Variants in FHL2 observed in about 807,000 individuals in gnomAD.
The protein encoded by FHL2 is four and a half LIM domains 2, also known as four and a half LIM domains protein 2.
A neutral mutation model predicts 32.7 loss-of-function variants in FHL2; 20 were observed. That is an observed-to-expected ratio of 0.61 (90% CI 0.43 to 0.89). The LOEUF (loss-of-function observed/expected upper bound fraction) is 0.89. FHL2 is among the 40% of genes least tolerant of loss of function. FHL2 has a pLI of 0.00. For missense variants in FHL2, 311 were observed against 358.6 expected, an observed-to-expected ratio of 0.87 and a Z score of 1.07; for synonymous variants, 123 against 128.1, an observed-to-expected ratio of 0.96 and a Z score of 0.27.
At chr2:105,423,181 T>C (rs1342652284) in intron 1 of FHL2, among the ~76,000 whole-genome samples, 1 of 152,214 alleles carries the variant, frequency 6.6e-6, no homozygotes, top group Non-Finnish European at 1.5e-5. Context: ...CTGTCAGTGA[T>C]ACCCATATGT....
In FHL2 at chr2:105,361,384, C is replaced by G. The variant is rs769888361; in HGVS notation, c.739G>C (p.Asp247His). The change falls in exon 7 of 7, where the codon GAC becomes CAC. Residue 247 changes from aspartate to histidine, a missense_variant. Physicochemically the swap from Asp to His is moderately conservative, Grantham distance 81. Transcript: ENST00000530340. ...GAGCACTTCTTACAGTTAAAGCAGTCGTTATGCCACTGCCGTTCCTCAAAG... is the reference window on the plus strand; with the variant it reads ...GAGCACTTCTTACAGTTAAAGCAGTGGTTATGCCACTGCCGTTCCTCAAAG... ...ISFEERQWHNDCFNCKKCSLS... is the reference protein window; with the variant it reads ...ISFEERQWHNHCFNCKKCSLS... The G allele has an allele frequency of 6.2e-7, 1 of 1,614,014 alleles. No individual in the cohort carries two copies. The highest frequency in any genetic ancestry group is 1.3e-5 in the African/African-American group (1 of 75,052).
At chr2:105,398,281 C>G (rs1018901868) in intron 1 of FHL2, among the ~76,000 whole-genome samples, 2 of 136,010 alleles carry the variant, frequency 1.5e-5, no homozygotes, top group African/African-American at 5.7e-5. Flanking sequence ...ACGAGTGCGA[C>G]TTAAGAAAAA....
intron 1 of FHL2, chr2:105,438,318 T>C (rs1684674821): frequency 1.0e-6 from 1 of 968,174 alleles, no homozygotes; most frequent in African/African-American, 1.8e-5. Flanking sequence ...TGCAACAAGA[T>C]GCCTACAGAG....
intron 1 of FHL2, among the ~76,000 whole-genome samples, chr2:105,432,643 C>T (rs1408005457): frequency 6.6e-6 from 1 of 152,200 alleles, no homozygotes; most frequent in Non-Finnish European, 1.5e-5. Context: ...CTTCCCCCAA[C>T]ACAAACAGAC....
upstream of FHL2, among the ~76,000 whole-genome samples, chr2:105,400,688 T>TTTTC (rs1414779124): frequency 6.9e-6 from 1 of 144,694 alleles, no homozygotes; most frequent in Non-Finnish European, 1.5e-5. Context: ...ATATTTTAAT[T>TTTTC]TTTTTTTTTT....
rs536715218 is a variant in FHL2 at position 105,386,507 on chromosome 2, G to A, written c.10C>T (p.Arg4Cys). Residue 4 changes from arginine to cysteine, a missense_variant, in exon 3 of 7, where the codon CGC becomes TGC. Coordinates refer to ENST00000530340, the MANE Select transcript of FHL2 (RefSeq NM_001318895.3). MTE[R>C]FDCHHCNESL... ...TCGTTGCAATGGTGGCAGTCAAAGCGCTCAGTCATTTTGACTCCTGGCTTT... is the reference window on the plus strand; with the variant it reads ...TCGTTGCAATGGTGGCAGTCAAAGCACTCAGTCATTTTGACTCCTGGCTTT... 6.2e-6 allele frequency: 10 copies of A among 1,614,130 alleles called. No individual in the cohort carries two copies. Among genetic ancestry groups the A allele is most frequent in the Middle Eastern group, 1.6e-4 (1 of 6,062 alleles).
intron 1 of FHL2, among the ~76,000 whole-genome samples, chr2:105,431,979 G>A (rs1684449633): frequency 6.6e-6 from 1 of 152,200 alleles, no homozygotes; most frequent in African/African-American, 2.4e-5. Flanking sequence ...AGTAGCTGAA[G>A]GGTTTATCAG....
chr2:105,386,546 A>T lies in FHL2; in HGVS notation c.-24-6T>A, dbSNP rs1368859874. 6.2e-7 allele frequency: 1 copy of T among 1,613,712 alleles called. No homozygotes were observed. The highest frequency in any genetic ancestry group is 1.3e-5 in the African/African-American group (1 of 74,898). ...ACTCCTGGCTTTTCAGCAACCTATC[A>T]AAAAGAAAAGAAAATCCAAGTCCCA... On this transcript the variant is annotated splice_region_variant and splice_polypyrimidine_tract_variant and intron_variant, in intron 2 of 6. Transcript: ENST00000530340.
chr2:105,392,134 G>A (rs563768285), intron 2 of FHL2, among the ~76,000 whole-genome samples: 83 of 152,340 alleles, frequency 5.4e-4, no homozygotes, highest in African/African-American at 1.9e-3. Context: ...ATGGCCCAGG[G>A]AAGGCTTTGA....
intron 2 of FHL2, among the ~76,000 whole-genome samples, chr2:105,391,268 T>G (rs556170186): frequency 6.6e-6 from 1 of 152,244 alleles, no homozygotes; most frequent in South Asian, 2.1e-4. Context: ...TCAAGGGACT[T>G]GTTATCTAGT....
In FHL2 at chr2:105,399,008, A is replaced by C; in HGVS notation, c.-242T>G. 1.3e-6 allele frequency: 2 copies of C among 1,500,414 alleles called. No homozygotes were observed. Among genetic ancestry groups the C allele is most frequent in the South Asian group, 2.6e-5 (2 of 77,024 alleles). The allele number at this position is 1,500,414 out of a possible 1,614,324, so 92.9% of individuals were successfully genotyped here. A position where few individuals can be genotyped will look rare whatever the true frequency, so the allele number is the denominator to read the frequency against. ...GCCGGGGACTCCCGGACGGGGCTGG[A>C]GGGCGCGGGCGGCTGGTGGCTGCGG... On this transcript the variant is annotated 5_prime_UTR_variant, in exon 1 of 7. Coordinates refer to ENST00000530340, the MANE Select transcript of FHL2 (RefSeq NM_001318895.3).
At chr2:105,392,861 C>A (rs558240683) in intron 2 of FHL2, among the ~76,000 whole-genome samples, 1 of 141,864 alleles carries the variant, frequency 7.0e-6, no homozygotes, top group South Asian at 2.3e-4. Flanking sequence ...ACTCTATCAC[C>A]CAGGCTGGAG....
chr2:105,431,955 C>T (rs1052813798), intron 1 of FHL2, among the ~76,000 whole-genome samples: 1 of 152,228 alleles, frequency 6.6e-6, no homozygotes, highest in African/African-American at 2.4e-5. Flanking sequence ...GCTGCTGCTG[C>T]TGCTGTTAAT....
chr2:105,386,703 T>C (rs1327365024), intron 2 of FHL2, among the ~76,000 whole-genome samples, 163 bp from the exon 3 acceptor site: 3 of 151,788 alleles, frequency 2.0e-5, no homozygotes, highest in Non-Finnish European at 2.9e-5. Context: ...TAATTTTTAA[T>C]GATAACACCT....
intron 1 of FHL2, among the ~76,000 whole-genome samples, chr2:105,434,150 A>T (rs920302211): frequency 1.3e-5 from 2 of 152,232 alleles, no homozygotes; most frequent in Non-Finnish European, 2.9e-5. Flanking sequence ...TAAAACATTC[A>T]TAGATTTTGC....
At chr2:105,394,718 A>G (rs1031341833) in intron 2 of FHL2, among the ~76,000 whole-genome samples, 1 of 152,250 alleles carries the variant, frequency 6.6e-6, no homozygotes, top group African/African-American at 2.4e-5. Context: ...TATAAAATTG[A>G]CTATGCTTAC....
At chr2:105,373,833 G>T (rs1681273771) in intron 3 of FHL2, 100 bp from the exon 4 acceptor site, 1 of 1,267,084 alleles carries the variant, frequency 7.9e-7, no homozygotes, top group African/African-American at 1.5e-5. Flanking sequence ...AACAAGGAAA[G>T]AAGTTGGGCC....
intron 2 of FHL2, among the ~76,000 whole-genome samples, chr2:105,393,582 A>G (rs915246579): frequency 3.3e-5 from 5 of 152,192 alleles, no homozygotes; most frequent in Non-Finnish European, 7.3e-5. Context: ...TGTCGCTGAG[A>G]CCTCACCAGC....
upstream of FHL2, chr2:105,399,758 C>T: frequency 1.2e-6 from 1 of 818,548 alleles, no homozygotes; most frequent in Non-Finnish European, 1.8e-6. Flanking sequence ...TCAGCATTGT[C>T]GCAGGGAGAG....
Sources: gnomAD v4.1 joint callset for allele counts (sites outside exome capture counted in the v4.1 genomes callset) on GRCh38, gnomAD v4.1.1 for gene constraint, MANE v1.5 for transcripts, NCBI Gene and HGNC (gene_info 2026-07-23, HGNC 2026-07-21) for gene names.